Variants in SLC9A9 observed in about 807,000 individuals in gnomAD.
The protein encoded by SLC9A9 is sodium/hydrogen exchanger 9.
SLC9A9 carries 62 observed loss-of-function variants against 77.8 expected under a neutral mutation model. The ratio of observed to expected loss-of-function variants is 0.80; its 90% CI spans 0.65 to 0.98. SLC9A9 has a LOEUF of 0.98. Among genes scored for constraint, SLC9A9 ranks in the 50% least tolerant of loss-of-function variants. SLC9A9 has a pLI of 0.00. For missense variants in SLC9A9, 775 were observed against 774.9 expected (o/e 1.00, Z 0.00); for synonymous variants, 320 against 283.5 (o/e 1.13, Z -1.29).
At chr3:143,442,450 G>A (rs1057480064) in intron 12 of SLC9A9, among the ~76,000 whole-genome samples, 138 of 152,322 alleles carry the variant, frequency 9.1e-4, no homozygotes, top group African/African-American at 3.2e-3. Flanking sequence ...GGCTGGGCAC[G>A]GTGGCTCATG....
intron 11 of SLC9A9, among the ~76,000 whole-genome samples, chr3:143,491,491 AG>A (rs1271223648): frequency 1.3e-5 from 2 of 152,168 alleles, no homozygotes; most frequent in Non-Finnish European, 2.9e-5. Flanking sequence ...GCCATGGATC[AG>A]TTTTGATTCA....
intron 14 of SLC9A9, among the ~76,000 whole-genome samples, chr3:143,274,298 T>C (rs1464130089): frequency 6.6e-6 from 1 of 152,244 alleles, no homozygotes; most frequent in African/African-American, 2.4e-5. Context: ...TTCATTGATA[T>C]AGCATTTCCA....
intron 2 of SLC9A9, among the ~76,000 whole-genome samples, chr3:143,810,763 A>G (rs1009303470): frequency 1.3e-5 from 2 of 152,212 alleles, no homozygotes; most frequent in African/African-American, 2.4e-5. Flanking sequence ...ATCATCTTCA[A>G]TGCTTTATTC....
At chr3:143,607,873 T>C (rs2037953884) in intron 6 of SLC9A9, among the ~76,000 whole-genome samples, 1 of 151,912 alleles carries the variant, frequency 6.6e-6, no homozygotes, top group Admixed American at 6.6e-5. Context: ...TTTAAATGTG[T>C]TATGTTTTAT....
In SLC9A9 at chr3:143,449,803, TATATATAATTATATATTTAC is replaced by T. The variant is rs1264111837; in HGVS notation, c.1469+17214_1469+17233del. 1.1e-4 allele frequency among the ~76,000 whole-genome samples: 6 copies of T among 57,000 alleles called. 2 individuals carry two copies. The highest frequency in any genetic ancestry group is 5.1e-4 in the African/African-American group (5 of 9,758). The allele number at this position is 57,000 out of a possible 152,430, so 37.4% of individuals were successfully genotyped here. A position where few individuals can be genotyped will look rare whatever the true frequency, so the allele number is the denominator to read the frequency against. On this transcript the variant is annotated intron_variant, in intron 12 of 15. Coordinates refer to ENST00000316549, the MANE Select transcript of SLC9A9 (RefSeq NM_173653.4). ...TTTATATATAATTATATATATTTTA[TATATATAATTATATATTTAC>T]ATATATAATTATATGTATTATATAT...
chr3:143,837,624 G>A (rs2009601979), intron 1 of SLC9A9, among the ~76,000 whole-genome samples: 1 of 152,124 alleles, frequency 6.6e-6, no homozygotes. Flanking sequence ...ACAAAGCTCT[G>A]GTTTATTTGC....
chr3:143,833,416 G>C (rs145053620), intron 1 of SLC9A9, among the ~76,000 whole-genome samples: 1 of 152,170 alleles, frequency 6.6e-6, no homozygotes, highest in South Asian at 2.1e-4. Context: ...TGCTATGACC[G>C]CTGGGAAGCA....
chr3:143,537,547 C>G (rs1179214216), intron 9 of SLC9A9, among the ~76,000 whole-genome samples: 1 of 152,240 alleles, frequency 6.6e-6, no homozygotes, highest in Non-Finnish European at 1.5e-5. Context: ...AGCTTAAGCT[C>G]CATCTTTGAC....
At chr3:143,726,379 G>T (rs1934656666) in intron 4 of SLC9A9, among the ~76,000 whole-genome samples, 1 of 151,994 alleles carries the variant, frequency 6.6e-6, no homozygotes, top group South Asian at 2.1e-4. Context: ...TGATTGACAT[G>T]GTATTTAAAT....
chr3:143,647,438 T>C (rs2038724254), intron 6 of SLC9A9, among the ~76,000 whole-genome samples: 1 of 152,218 alleles, frequency 6.6e-6, no homozygotes, highest in Non-Finnish European at 1.5e-5. Context: ...TTTCTGCTTT[T>C]GATATCTTGA....
intron 14 of SLC9A9, among the ~76,000 whole-genome samples, chr3:143,305,348 G>A (rs2030735660): frequency 6.6e-6 from 1 of 152,098 alleles, no homozygotes; most frequent in African/African-American, 2.4e-5. Flanking sequence ...CTTGATGTTC[G>A]CTACCACATT....
chr3:143,302,971 G>A (rs148966935), intron 14 of SLC9A9, among the ~76,000 whole-genome samples: 6 of 152,164 alleles, frequency 3.9e-5, no homozygotes, highest in Non-Finnish European at 8.8e-5. Context: ...CTAACACCAC[G>A]GAGGGCTTCT....
intron 1 of SLC9A9, among the ~76,000 whole-genome samples, chr3:143,840,711 C>G (rs1048556171): frequency 6.6e-6 from 1 of 151,904 alleles, no homozygotes; most frequent in African/African-American, 2.4e-5. Context: ...CTACTTTTAC[C>G]TTCAATCATT....
intron 9 of SLC9A9, among the ~76,000 whole-genome samples, chr3:143,530,604 G>A (rs764826794): frequency 6.6e-6 from 1 of 152,092 alleles, no homozygotes; most frequent in Admixed American, 6.6e-5. Context: ...ATGGAAAAGT[G>A]TGCATGCATT....
At chr3:143,408,010 G>A (rs2034016256) in intron 12 of SLC9A9, among the ~76,000 whole-genome samples, 1 of 152,164 alleles carries the variant, frequency 6.6e-6, no homozygotes, top group Admixed American at 6.5e-5. Flanking sequence ...CTTTTCTTGT[G>A]GGTTGCAGAT....
chr3:143,484,761 T>G (rs995237909), intron 11 of SLC9A9, among the ~76,000 whole-genome samples: 6 of 152,304 alleles, frequency 3.9e-5, no homozygotes, highest in African/African-American at 1.4e-4. Flanking sequence ...GATGAGAAGT[T>G]TCTAAGTTCA....
At chr3:143,625,633 T>G (rs1363412998) in intron 6 of SLC9A9, among the ~76,000 whole-genome samples, 5 of 152,194 alleles carry the variant, frequency 3.3e-5, no homozygotes, top group Non-Finnish European at 5.9e-5. Flanking sequence ...ATTAAAGACT[T>G]AAATGTTAGA....
At chr3:143,601,836 G>A (rs1231717970) in intron 6 of SLC9A9, among the ~76,000 whole-genome samples, 2 of 151,954 alleles carry the variant, frequency 1.3e-5, no homozygotes, top group Non-Finnish European at 2.9e-5. Flanking sequence ...CACTGGTCTC[G>A]AGACACTCTC....
intron 6 of SLC9A9, among the ~76,000 whole-genome samples, chr3:143,608,027 CA>C (rs1271349906): frequency 6.6e-6 from 1 of 151,690 alleles, no homozygotes; most frequent in Non-Finnish European, 1.5e-5. Context: ...AGAAAATGCG[CA>C]AATAAAGTGT....
Sources: allele counts gnomAD v4.1 joint callset (sites outside exome capture counted in the v4.1 genomes callset), GRCh38; gene constraint gnomAD v4.1.1; transcripts MANE v1.5; gene names NCBI Gene and HGNC (gene_info 2026-07-23, HGNC 2026-07-21).